CPEB3: variants seen among roughly 807,000 people sequenced by gnomAD.
CPEB3 encodes cytoplasmic polyadenylation element-binding protein 3.
CPEB3 carries 20 observed loss-of-function variants against 67.2 expected under a neutral mutation model. The observed-to-expected ratio is 0.30, with a 90% CI of 0.21 to 0.43. The LOEUF is 0.43. Ranked by LOEUF, CPEB3 falls within the 20% of genes least tolerant of loss-of-function variation. The pLI is 1.00. For synonymous variants in CPEB3, 376 were observed against 393.1 expected, an observed-to-expected ratio of 0.96 and a Z score of 0.51; for missense variants, 746 against 968.6, an observed-to-expected ratio of 0.77 and a Z score of 3.05.
At chr10:92,092,189 C>T (rs532375852) in intron 7 of CPEB3, among the ~76,000 whole-genome samples, 6 of 152,276 alleles carry the variant, frequency 3.9e-5, no homozygotes, top group African/African-American at 1.4e-4. Flanking sequence ...CATCAGAAAC[C>T]ACCTCTGCCT....
In CPEB3 at chr10:92,111,102, A is replaced by T; in HGVS notation, c.1546T>A (p.Ser516Thr). 1 of 1,613,678 alleles carries T rather than the reference A, an allele frequency of 6.2e-7. No homozygotes were observed. Among genetic ancestry groups the T allele is most frequent in the Non-Finnish European group, 8.5e-7 (1 of 1,179,558 alleles). The change falls in exon 7 of 10, where the codon TCA becomes ACA. Residue 516 changes from serine to threonine, a missense_variant. By Grantham distance (58) the Ser-to-Thr change is moderately conservative. Around this residue, in one of 2 missense-constraint regions of CPEB3, gnomAD observed 643 missense variants for 717.5 expected, o/e 0.90. Coordinates refer to ENST00000265997, the MANE Select transcript of CPEB3 (RefSeq NM_014912.5). Reference sequence around the variant, plus strand: ...GGCTTGTCCTTGATGGTGGGGCTTGACACACACAGGTAGAGTTTCCCATCT... The same window carrying T: ...GGCTTGTCCTTGATGGTGGGGCTTGTCACACACAGGTAGAGTTTCCCATCT... ...EEDGKLYLCV[S>T]SPTIKDKPVQ...
rs148860456 is a variant in CPEB3, at chr10:92,234,820, G to A, written c.1005+4526C>T. Among the ~76,000 whole-genome samples, 522 of 152,196 alleles carry A rather than the reference G, an allele frequency of 3.4e-3. 3 individuals are homozygous for A. Among genetic ancestry groups the A allele is most frequent in the African/African-American group, 0.012 (487 of 41,510 alleles). The stretch of plus-strand genomic sequence containing the variant: ...CGCACCTGTAATCCCAGCTACTCAC[G>A]AGGCTGAGGCAGGAGAATCTCTTGA... On this transcript the variant is annotated intron_variant, in intron 2 of 9. Coordinates refer to ENST00000265997, the MANE Select transcript of CPEB3 (RefSeq NM_014912.5).
At chr10:92,107,540 C>T (rs1057508982) in intron 7 of CPEB3, among the ~76,000 whole-genome samples, 43 of 152,160 alleles carry the variant, frequency 2.8e-4, no homozygotes, top group African/African-American at 1.0e-3. Context: ...TATTAGCTTG[C>T]TGTCTTGAAC....
chr10:92,062,725 C>T lies in CPEB3; in HGVS notation c.1870-10286G>A, dbSNP rs545227751. Among the ~76,000 whole-genome samples, 22 of 152,266 alleles carry T rather than the reference C, an allele frequency of 1.4e-4. No homozygotes were observed. The East Asian group carries it at 4.1e-3, about 28-fold the overall frequency. ...AACAAATATATAACAAAATAAAAAC[C>T]GGCTTATCTGTTAACCACTACGATT... is the stretch of plus-strand genomic sequence containing the variant. On this transcript the variant is annotated intron_variant, in intron 9 of 9. Transcript: ENST00000265997.
intron 2 of CPEB3, among the ~76,000 whole-genome samples, chr10:92,212,131 T>C (rs930443221): frequency 6.6e-6 from 1 of 152,012 alleles, no homozygotes; most frequent in Admixed American, 6.6e-5. Flanking sequence ...TGTGCTCACC[T>C]TGGCCTCCCA....
chr10:92,085,366 A>T (rs1425956513), intron 8 of CPEB3, among the ~76,000 whole-genome samples: 1 of 152,168 alleles, frequency 6.6e-6, no homozygotes, highest in African/African-American at 2.4e-5. Context: ...TGTGATCCTA[A>T]GACAACTTAA....
chr10:92,067,005 C>T (rs1415040139), intron 9 of CPEB3, among the ~76,000 whole-genome samples: 10 of 151,136 alleles, frequency 6.6e-5, no homozygotes, highest in African/African-American at 1.9e-4. Flanking sequence ...GTCGAGATCA[C>T]GCCACTGCAC....
At chr10:92,129,954 T>C (rs759210498) in intron 6 of CPEB3, among the ~76,000 whole-genome samples, 34 of 152,092 alleles carry the variant, frequency 2.2e-4, no homozygotes, top group South Asian at 4.2e-4. Flanking sequence ...GGAGGACTGC[T>C]TGAGCCCTGG....
chr10:92,263,818 C>T (rs1380999751), intron 1 of CPEB3, among the ~76,000 whole-genome samples: 2 of 152,058 alleles, frequency 1.3e-5, no homozygotes, highest in Non-Finnish European at 2.9e-5. Context: ...AGCCACTGCA[C>T]CTAGCCAGAT....
At chr10:92,213,282 T>C (rs990847115) in intron 2 of CPEB3, among the ~76,000 whole-genome samples, 1 of 152,216 alleles carries the variant, frequency 6.6e-6, no homozygotes, top group Non-Finnish European at 1.5e-5. Context: ...CTCAGTTTCA[T>C]ATAATTAACA....
intron 1 of CPEB3, among the ~76,000 whole-genome samples, chr10:92,276,693 G>T (rs1196262434): frequency 6.6e-6 from 1 of 152,028 alleles, no homozygotes; most frequent in Non-Finnish European, 1.5e-5. Context: ...TCATTTCTCG[G>T]GTATATAGCT....
chr10:92,050,168 A>G lies in CPEB3; in HGVS notation c.*2044T>C, dbSNP rs1030023754. ...TACAGATGAAAAAAAACCCACAAAC[A>G]TAGAAAAAAACAAACAAAACCACAC... On this transcript the variant is annotated 3_prime_UTR_variant, in exon 10 of 10. Coordinates refer to ENST00000265997, the MANE Select transcript of CPEB3 (RefSeq NM_014912.5). 4 of 152,468 alleles carry G rather than the reference A, an allele frequency of 2.6e-5. No homozygotes were observed. The highest frequency in any genetic ancestry group is 2.1e-4 in the South Asian group (1 of 4,826). The allele number at this position is 152,468 out of a possible 1,614,324, so 9.4% of individuals were successfully genotyped here. A position where few individuals can be genotyped will look rare whatever the true frequency, so the allele number is the denominator to read the frequency against.
chr10:92,155,618 CT>C (rs1484732340), intron 4 of CPEB3, among the ~76,000 whole-genome samples: 1 of 152,150 alleles, frequency 6.6e-6, no homozygotes, highest in Non-Finnish European at 1.5e-5. Flanking sequence ...TCTGTCCGTT[CT>C]TTTTTCATTA....
At chr10:92,117,037 T>C (rs1363643617) in intron 6 of CPEB3, among the ~76,000 whole-genome samples, 1 of 152,196 alleles carries the variant, frequency 6.6e-6, no homozygotes, top group Non-Finnish European at 1.5e-5. Context: ...TTCTTTTTGT[T>C]TTTTTGAGAC....
At chr10:92,255,183 CCTT>C in intron 1 of CPEB3, among the ~76,000 whole-genome samples, 1 of 152,304 alleles carries the variant, frequency 6.6e-6, no homozygotes, top group Non-Finnish European at 1.5e-5. Context: ...ATTAATCCCT[CCTT>C]CTGTGGTCTA....
chr10:92,100,265 GGTTTT>G (rs1564778713), intron 7 of CPEB3, among the ~76,000 whole-genome samples: 3 of 152,012 alleles, frequency 2.0e-5, no homozygotes, highest in Non-Finnish European at 4.4e-5. Context: ...AGAAAACATA[GGTTTT>G]TTTTTGTTTG....
chr10:92,271,484 C>T (rs977409767), intron 1 of CPEB3, among the ~76,000 whole-genome samples: 3 of 152,184 alleles, frequency 2.0e-5, no homozygotes, highest in African/African-American at 7.2e-5. Flanking sequence ...CTCAGTCTTT[C>T]TTTCATGACC....
At chr10:92,160,420 C>T (rs1449948499) in intron 4 of CPEB3, among the ~76,000 whole-genome samples, 1 of 152,076 alleles carries the variant, frequency 6.6e-6, no homozygotes, top group African/African-American at 2.4e-5. Context: ...TGATCCCTCC[C>T]CCAAATTTGC....
At chr10:92,266,677 G>T (rs1853071827) in intron 1 of CPEB3, among the ~76,000 whole-genome samples, 1 of 152,042 alleles carries the variant, frequency 6.6e-6, no homozygotes, top group Admixed American at 6.6e-5. Flanking sequence ...AATCAGATGG[G>T]TATAAAAGCG....
Sources: gnomAD v4.1 joint callset for allele counts (sites outside exome capture counted in the v4.1 genomes callset) on GRCh38, gnomAD v4.1.1 for gene constraint, gnomAD v4.1.1 regional missense constraint, MANE v1.5 for transcripts, NCBI Gene and HGNC (gene_info 2026-07-23, HGNC 2026-07-21) for gene names.